The following SLC14A2 variants were observed in gnomAD, a reference collection of about 807,000 sequenced individuals.
The protein encoded by SLC14A2 is urea transporter 2.
A neutral mutation model predicts 104.6 loss-of-function variants in SLC14A2; 91 were observed. That is an observed-to-expected ratio of 0.87 (90% CI 0.73 to 1.04). The LOEUF is 1.04. Ranked by LOEUF, SLC14A2 falls within the 50% of genes least tolerant of loss-of-function variation. The pLI is 0.00. For missense variants in SLC14A2, 1,189 were observed against 1,156.0 expected (o/e 1.03, Z -0.41); for synonymous variants, 476 against 466.4 (o/e 1.02, Z -0.27).
chr18:45,664,032 A>C, intron 11 of SLC14A2, 125 bp downstream of exon 11: 37 of 1,002,294 alleles, frequency 3.7e-5, no homozygotes, highest in Non-Finnish European at 5.1e-5. Flanking sequence ...TTGACCTCTC[A>C]CACCTGACGT....
At chr18:45,565,502 GGGAA>G (rs1230402397) in intron 2 of SLC14A2, among the ~76,000 whole-genome samples, 1 of 152,176 alleles carries the variant, frequency 6.6e-6, no homozygotes, top group Non-Finnish European at 1.5e-5. Flanking sequence ...TGTGTAGGGA[GGGAA>G]GGAAGGGATT....
At chr18:45,360,096 C>T (rs2085595475) in intron 1 of SLC14A2, among the ~76,000 whole-genome samples, 3 of 152,192 alleles carry the variant, frequency 2.0e-5, no homozygotes, top group African/African-American at 7.2e-5. Context: ...CCTACCCTCA[C>T]CTCCTCCCTT....
At chr18:45,538,706 C>G (rs998473517) in intron 2 of SLC14A2, among the ~76,000 whole-genome samples, 1 of 152,148 alleles carries the variant, frequency 6.6e-6, no homozygotes, top group Non-Finnish European at 1.5e-5. Flanking sequence ...ATTAGTCACA[C>G]ACATCAACCC....
intron 2 of SLC14A2, among the ~76,000 whole-genome samples, chr18:45,586,268 C>T (rs1226378803): frequency 2.0e-5 from 3 of 152,156 alleles, no homozygotes; most frequent in African/African-American, 7.2e-5. Context: ...AAGTCCCACA[C>T]CCGGAAACAA....
chr18:45,208,433 G>A (rs1489063243), upstream of SLC14A2, among the ~76,000 whole-genome samples: 2 of 152,112 alleles, frequency 1.3e-5, no homozygotes, highest in Non-Finnish European at 2.9e-5. Context: ...ATGAGTTAAC[G>A]CAGGTGGCCA....
chr18:45,519,011 G>A (rs940395106), intron 2 of SLC14A2, among the ~76,000 whole-genome samples: 4 of 152,160 alleles, frequency 2.6e-5, no homozygotes, highest in Non-Finnish European at 5.9e-5. Flanking sequence ...TGGCCTGTTT[G>A]GGGAATCAAT....
rs2144790748 is a variant in SLC14A2, at chr18:45,512,612, T to C, written c.-35+29290T>C. On this transcript the variant is annotated intron_variant, in intron 2 of 20. Coordinates refer to the SLC14A2 transcript ENST00000586448. ...CACTGCTGCTCATTACCAAGAAAAA[T>C]GACAGCTTGATGGTCTTCCAGCAAG... Among the ~76,000 whole-genome samples, 3 of 152,128 alleles carry C rather than the reference T, an allele frequency of 2.0e-5. No homozygotes were observed. In the Middle Eastern group the frequency reaches 0.01, roughly 517 times the overall value.
the SLC14A2 span, among the ~76,000 whole-genome samples, chr18:45,189,029 T>C: frequency 6.6e-6 from 1 of 152,328 alleles, no homozygotes; most frequent in Admixed American, 6.5e-5. Flanking sequence ...GTTTGTTACA[T>C]GCCTTTTCCC....
chr18:45,462,981 A>C (rs1271857900), intron 1 of SLC14A2, among the ~76,000 whole-genome samples: 5 of 152,266 alleles, frequency 3.3e-5, no homozygotes, highest in Non-Finnish European at 5.9e-5. Context: ...AATGTATGTT[A>C]ACTTTTTGTT....
At chr18:45,652,154 C>T (rs2045750737) in intron 10 of SLC14A2, among the ~76,000 whole-genome samples, 1 of 152,234 alleles carries the variant, frequency 6.6e-6, no homozygotes, top group Admixed American at 6.5e-5. Context: ...TAATCTAAAA[C>T]CAGGTGGGGG....
intron 1 of SLC14A2, among the ~76,000 whole-genome samples, chr18:45,300,355 T>G (rs1227118509): frequency 6.7e-6 from 1 of 149,668 alleles, no homozygotes; most frequent in Non-Finnish European, 1.5e-5. Context: ...TGGCTCAAGT[T>G]TGCACAGCCA....
chr18:45,309,334 T>C (rs908142748), intron 1 of SLC14A2, among the ~76,000 whole-genome samples: 2 of 110,060 alleles, frequency 1.8e-5, no homozygotes, highest in African/African-American at 3.2e-5. Flanking sequence ...TCAGAAGCAC[T>C]TTTTTTTTTT....
intron 1 of SLC14A2, among the ~76,000 whole-genome samples, chr18:45,377,542 A>T (rs936617053): frequency 6.6e-6 from 1 of 151,630 alleles, no homozygotes; most frequent in African/African-American, 2.4e-5. Context: ...TCTCCTCCCC[A>T]TTTCACTCAT....
chr18:45,359,041 C>T (rs2085584029), intron 1 of SLC14A2, among the ~76,000 whole-genome samples: 1 of 152,224 alleles, frequency 6.6e-6, no homozygotes, highest in African/African-American at 2.4e-5. Flanking sequence ...AGGATTCCTA[C>T]ACCTGCCACC....
intron 5 of SLC14A2, among the ~76,000 whole-genome samples, chr18:45,635,315 G>A (rs747762706): frequency 1.3e-5 from 2 of 152,150 alleles, no homozygotes; most frequent in Non-Finnish European, 2.9e-5. Context: ...AGATTTTTTA[G>A]AAGAGAGAGA....
rs751130374 is a variant in SLC14A2 at position 45,651,402 on chromosome 18, G to A, written c.1351+7242G>A. 7.9e-5 allele frequency among the ~76,000 whole-genome samples: 12 copies of A among 152,320 alleles called. 1 individual carries two copies. Among genetic ancestry groups the A allele is most frequent in the South Asian group, 2.1e-4 (1 of 4,826 alleles). On this transcript the variant is annotated intron_variant, in intron 10 of 19. Transcript: ENST00000255226. The stretch of plus-strand genomic sequence containing the variant: ...GAGAAGAGATGAAAGAGCTGCAGCC[G>A]TGTGTGTCTGCAGTATTAGGTAATG...
intron 1 of SLC14A2, among the ~76,000 whole-genome samples, chr18:45,223,799 C>T (rs2084086884): frequency 6.6e-6 from 1 of 152,202 alleles, no homozygotes; most frequent in South Asian, 2.1e-4. Flanking sequence ...GCTTTGGAAA[C>T]CCAGAGACCT....
chr18:45,572,985 G>A (rs1250363860), intron 2 of SLC14A2, among the ~76,000 whole-genome samples: 3 of 152,180 alleles, frequency 2.0e-5, no homozygotes, highest in Non-Finnish European at 4.4e-5. Context: ...AAAAAACCAA[G>A]TGGAGAATAG....
intron 1 of SLC14A2, among the ~76,000 whole-genome samples, chr18:45,409,609 C>T (rs1352602763): frequency 6.6e-6 from 1 of 152,182 alleles, no homozygotes; most frequent in South Asian, 2.1e-4. Flanking sequence ...ATCAACCCAA[C>T]CACTGAGCCT....
Sources: gnomAD v4.1 joint callset for allele counts (sites outside exome capture counted in the v4.1 genomes callset) on GRCh38, gnomAD v4.1.1 for gene constraint, MANE v1.5 for transcripts, NCBI Gene and HGNC (gene_info 2026-07-23, HGNC 2026-07-21) for gene names.